Variants in XRN1 observed in about 807,000 individuals in gnomAD.
XRN1 encodes 5'-3' exoribonuclease 1, also known as strand-exchange protein 1 homolog.
XRN1 carries 67 observed loss-of-function variants against 222.3 expected under a neutral mutation model. The observed-to-expected ratio is 0.30, with a 90% CI of 0.25 to 0.37. XRN1 has a LOEUF of 0.37. XRN1 is among the 10% of genes least tolerant of loss of function. XRN1 has a pLI of 1.00. For missense variants in XRN1, 1,707 were observed against 2,000.2 expected, an observed-to-expected ratio of 0.85 and a Z score of 2.80; for synonymous variants, 643 against 652.4, an observed-to-expected ratio of 0.99 and a Z score of 0.22.
chr3:142,382,254 C>T (rs1042563364), intron 22 of XRN1, among the ~76,000 whole-genome samples: 1 of 152,048 alleles, frequency 6.6e-6, no homozygotes, highest in Non-Finnish European at 1.5e-5. Flanking sequence ...AGATTTAGTT[C>T]CCAAAGATGA....
intron 2 of XRN1, among the ~76,000 whole-genome samples, chr3:142,431,914 A>ATCTAT (rs2069591114): frequency 3.1e-5 from 1 of 32,144 alleles, no homozygotes; most frequent in Non-Finnish European, 5.1e-5. Context: ...ATATATATAA[A>ATCTAT]TATATATAAT....
chr3:142,421,071 G>A lies in XRN1; in HGVS notation c.1118C>T (p.Ala373Val). 6.2e-7 allele frequency: 1 copy of A among 1,613,996 alleles called. No individual in the cohort carries two copies. ...GGCTTCTTCTGCTGCGACACCTGCT[G>A]CTTCATTGAGGTACTTGTTACCAAC... ...SKVGNKYLNEAAGVAAEEARN... is the reference protein window; with the variant it reads ...SKVGNKYLNEVAGVAAEEARN... Residue 373 changes from alanine (A) to valine (V), a missense_variant, in exon 10 of 41, where the codon GCA (alanine) becomes GTA (valine). Ala to Val is a moderately conservative substitution (Grantham distance 64). Around this residue, in one of 2 missense-constraint regions of XRN1, gnomAD observed 1,234 missense variants for 1,518.2 expected, o/e 0.81. Transcript: ENST00000392981.
chr3:142,377,045 T>C (rs1436151955), intron 23 of XRN1, among the ~76,000 whole-genome samples: 1 of 152,128 alleles, frequency 6.6e-6, no homozygotes, highest in Non-Finnish European at 1.5e-5. Flanking sequence ...ATCAAAATCG[T>C]TGCTACTGAG....
At chr3:142,439,311 C>G (rs1288846138) in intron 1 of XRN1, among the ~76,000 whole-genome samples, 1 of 152,142 alleles carries the variant, frequency 6.6e-6, no homozygotes, top group African/African-American at 2.4e-5. Flanking sequence ...AGGATGACAA[C>G]AGAGGAAAGA....
intron 1 of XRN1, chr3:142,435,319 A>C (rs1265782491): frequency 6.6e-6 from 1 of 151,924 alleles, no homozygotes; most frequent in Non-Finnish European, 1.5e-5. Flanking sequence ...AATGGCGTGA[A>C]CCCAGGAGGC....
Position 142,447,721 on chromosome 3 carries a change from C to T in XRN1, c.75+149G>A. 1 of 946,550 alleles carries T rather than the reference C, an allele frequency of 1.1e-6. No homozygotes were observed. Among genetic ancestry groups the T allele is most frequent in the South Asian group, 1.6e-5 (1 of 63,814 alleles). The allele number at this position is 946,550 out of a possible 1,614,324, so 58.6% of individuals were successfully genotyped here. ...AGCCCCTTTCGGCTCATCCGGGCGT[C>T]CTCAAACCTTCCGTCCCCCTCCCTA... On this transcript the variant is annotated intron_variant, in intron 1 of 40. Coordinates refer to ENST00000392981, the MANE Select transcript of XRN1 (RefSeq NM_001282857.2). This position sits in a 1 kb window ranked among gnomAD's most constrained non-coding sequence, Gnocchi z 4.2.
At chr3:142,333,800 T>G (rs995483167) in intron 34 of XRN1, among the ~76,000 whole-genome samples, 3 of 152,160 alleles carry the variant, frequency 2.0e-5, no homozygotes, top group Non-Finnish European at 4.4e-5. Context: ...AGACGCATCA[T>G]CTGCAAGCCA....
At chr3:142,409,347 G>T (rs1235684662) in intron 15 of XRN1, among the ~76,000 whole-genome samples, 1 of 152,174 alleles carries the variant, frequency 6.6e-6, no homozygotes, top group African/African-American at 2.4e-5. Context: ...TAAGTTTTGT[G>T]TATGGTGTGA....
At chr3:142,390,943 G>C (rs1430544108) in intron 20 of XRN1, among the ~76,000 whole-genome samples, 1 of 152,098 alleles carries the variant, frequency 6.6e-6, no homozygotes, top group Non-Finnish European at 1.5e-5. Flanking sequence ...AAAGAGACTA[G>C]GGGACCGTTG....
chr3:142,422,466 C>T (rs2108111669), intron 8 of XRN1, 116 bp downstream of exon 8: 2 of 1,109,648 alleles, frequency 1.8e-6, no homozygotes, highest in African/African-American at 3.2e-5. Context: ...CAAAATAAAT[C>T]CTCAATGTTT....
intron 11 of XRN1, 96 bp from the exon 12 acceptor site, chr3:142,418,705 A>G (rs1019570918): frequency 7.0e-7 from 1 of 1,435,814 alleles, no homozygotes; most frequent in Non-Finnish European, 9.7e-7. Context: ...GTTGATGCTT[A>G]TATGCTATCA....
chr3:142,326,265 T>C (rs2065513514), intron 37 of XRN1, among the ~76,000 whole-genome samples: 1 of 152,094 alleles, frequency 6.6e-6, no homozygotes, highest in Non-Finnish European at 1.5e-5. Flanking sequence ...ACAATATTGA[T>C]TCTTCCAATA....
At chr3:142,376,388 A>G in intron 24 of XRN1, 91 bp downstream of exon 24, 1 of 1,022,136 alleles carries the variant, frequency 9.8e-7, no homozygotes, top group Non-Finnish European at 1.5e-6. Flanking sequence ...AGAGCAATTA[A>G]TAAGAAAATA....
intron 1 of XRN1, among the ~76,000 whole-genome samples, chr3:142,443,816 T>C (rs949728680): frequency 5.9e-5 from 9 of 152,240 alleles, no homozygotes; most frequent in Admixed American, 1.3e-4. Flanking sequence ...ATAGCCAAGA[T>C]TTGGAAGCAA....
At chr3:142,313,789 T>C (rs2065136526) in intron 39 of XRN1, among the ~76,000 whole-genome samples, 1 of 152,136 alleles carries the variant, frequency 6.6e-6, no homozygotes, top group South Asian at 2.1e-4. Context: ...ATCCCAGCAC[T>C]TTGGGATGCC....
rs534025341 is a variant in XRN1, at chr3:142,442,955, A to G, written c.75+4915T>C. 5.1e-3 allele frequency among the ~76,000 whole-genome samples: 780 copies of G among 152,084 alleles called. 9 individuals are homozygous for G. The highest frequency in any genetic ancestry group is 0.018 in the African/African-American group (759 of 41,498). On this transcript the variant is annotated intron_variant, in intron 1 of 40. Coordinates refer to ENST00000392981, the MANE Select transcript of XRN1 (RefSeq NM_001282857.2). ...TCACCGTGTTAGCCAGGATGGTCTC[A>G]ATCTCCTGACCTCGTGATCCACCCG...
chr3:142,356,394 T>C (rs2107830960), intron 31 of XRN1, among the ~76,000 whole-genome samples: 1 of 152,290 alleles, frequency 6.6e-6, no homozygotes, highest in East Asian at 1.9e-4. Flanking sequence ...AAAAACGTAC[T>C]TAATAAGCAT....
intron 1 of XRN1, chr3:142,435,120 G>A (rs1326206855): frequency 6.6e-6 from 1 of 152,170 alleles, no homozygotes; most frequent in Non-Finnish European, 1.5e-5. Context: ...CTCTGGCCGG[G>A]CGCGGTGGCT....
intron 2 of XRN1, among the ~76,000 whole-genome samples, chr3:142,427,793 T>C (rs750743737): frequency 2.0e-5 from 3 of 152,246 alleles, no homozygotes. Context: ...GCCACCCCTT[T>C]GCAGCGTACC....
Sources: gnomAD v4.1 joint callset for allele counts (sites outside exome capture counted in the v4.1 genomes callset) on GRCh38, gnomAD v4.1.1 for gene constraint, gnomAD v4.1.1 regional missense constraint, Gnocchi (gnomAD v3.1) non-coding constraint, MANE v1.5 for transcripts, NCBI Gene and HGNC (gene_info 2026-07-23, HGNC 2026-07-21) for gene names.